Variants in PTPN14 observed in about 807,000 individuals in gnomAD.
PTPN14 encodes protein tyrosine phosphatase non-receptor type 14.
PTPN14 carries 53 observed loss-of-function variants against 126.8 expected under a neutral mutation model. The ratio of observed to expected loss-of-function variants is 0.42; its 90% confidence interval spans 0.34 to 0.53. The LOEUF (loss-of-function observed/expected upper bound fraction) is 0.53, where lower values mean the gene tolerates loss of function less well. Ranked by LOEUF, PTPN14 falls within the 20% of genes least tolerant of loss-of-function variation. The pLI, the probability that PTPN14 is intolerant of heterozygous loss-of-function variation, is 0.08. For missense variants in PTPN14, 1,257 were observed against 1,552.9 expected (o/e 0.81, Z 3.20); for synonymous variants, 630 against 599.3 (o/e 1.05, Z -0.75).
chr1:214,373,599 ACACACAC>A (rs1558073821), intron 15 of PTPN14, among the ~76,000 whole-genome samples: 1 of 129,572 alleles, frequency 7.7e-6, no homozygotes, highest in African/African-American at 2.9e-5. Context: ...ACACACACAC[ACACACAC>A]ACCTGGTCAT....
chr1:214,532,526 C>T, intron 1 of PTPN14: 1 of 997,228 alleles, frequency 1.0e-6, no homozygotes, highest in East Asian at 2.4e-5. Context: ...TCTGGGAGCA[C>T]CTGGAGAAGA....
chr1:214,413,380 T>C (rs769956220), intron 4 of PTPN14, among the ~76,000 whole-genome samples: 5 of 152,264 alleles, frequency 3.3e-5, no homozygotes, highest in Admixed American at 1.3e-4. Flanking sequence ...GCTAACTGTA[T>C]AGAAATTACA....
chr1:214,548,394 A>AAAAGC (rs1357236303), intron 1 of PTPN14, among the ~76,000 whole-genome samples: 1 of 152,204 alleles, frequency 6.6e-6, no homozygotes, highest in African/African-American at 2.4e-5. Flanking sequence ...GGGGAGATCC[A>AAAAGC]AAAGCGTATT....
At chr1:214,417,856 G>T (rs1428595408) in intron 3 of PTPN14, among the ~76,000 whole-genome samples, 1 of 152,060 alleles carries the variant, frequency 6.6e-6, no homozygotes, top group Non-Finnish European at 1.5e-5. Context: ...TCCAAGTCCA[G>T]TTCAGCAGAC....
At chr1:214,376,461 C>T (rs373894712) in intron 14 of PTPN14, 24 bp from the exon 15 acceptor site, 2 of 1,575,438 alleles carry the variant, frequency 1.3e-6, no homozygotes, top group African/African-American at 2.7e-5. Context: ...TGATCTTCAG[C>T]TCTCTAAATT....
chr1:214,524,124 A>T (rs1655330715), intron 1 of PTPN14, among the ~76,000 whole-genome samples: 1 of 151,784 alleles, frequency 6.6e-6, no homozygotes, highest in South Asian at 2.1e-4. Flanking sequence ...TGCTGGGATT[A>T]CAGGCATGAG....
chr1:214,416,272 G>C (rs1014850418), intron 3 of PTPN14, among the ~76,000 whole-genome samples: 1 of 152,186 alleles, frequency 6.6e-6, no homozygotes, highest in African/African-American at 2.4e-5. Context: ...AAGAACCAAG[G>C]AGTAAAACAT....
At chr1:214,361,525 CAAGCCAAGG>C (rs1335081819) in intron 18 of PTPN14, among the ~76,000 whole-genome samples, 1 of 152,210 alleles carries the variant, frequency 6.6e-6, no homozygotes, top group Non-Finnish European at 1.5e-5. Context: ...TAACTGCCCC[CAAGCCAAGG>C]AAGCACAAAG....
At chr1:214,427,695 G>GA (rs2102602653) in intron 3 of PTPN14, among the ~76,000 whole-genome samples, 1 of 152,092 alleles carries the variant, frequency 6.6e-6, no homozygotes, top group African/African-American at 2.4e-5. Flanking sequence ...GGTCCAATGA[G>GA]AAAAAAGCAG....
At chr1:214,540,009 G>T (rs1296890417) in intron 1 of PTPN14, among the ~76,000 whole-genome samples, 3 of 151,990 alleles carry the variant, frequency 2.0e-5, no homozygotes, top group Non-Finnish European at 4.4e-5. Context: ...CATTATTTTG[G>T]AGTTTTAATT....
chr1:214,416,571 A>G (rs10779614), intron 3 of PTPN14, among the ~76,000 whole-genome samples: 112,574 of 152,024 alleles, frequency 0.74, 41,731 homozygotes, highest in Non-Finnish European at 0.76. Context: ...CACCAGGAAC[A>G]TTCCTAATCA....
intron 7 of PTPN14, among the ~76,000 whole-genome samples, chr1:214,398,613 ATTTTTTTTTT>A (rs56339386): frequency 2.8e-5 from 3 of 108,902 alleles, no homozygotes; most frequent in East Asian, 5.4e-4. Context: ...TGCCCTGCTA[ATTTTTTTTTT>A]TTTTTTTTTT....
chr1:214,530,209 A>G (rs1416464414), intron 1 of PTPN14: 4 of 152,220 alleles, frequency 2.6e-5, no homozygotes, highest in Non-Finnish European at 5.9e-5. Flanking sequence ...ATGCAAGGAG[A>G]AAGTATTAGG....
In PTPN14 at chr1:214,549,861, G is replaced by A. The variant is rs138911946; in HGVS notation, c.-155+1322C>T. Among the ~76,000 whole-genome samples the A allele has an allele frequency of 2.5e-3, 376 of 152,294 alleles. 2 individuals are homozygous for A. Among genetic ancestry groups the A allele is most frequent in the African/African-American group, 8.5e-3 (352 of 41,552 alleles). ...TGTGGTTCCCATAAGTGGCTAACGT[G>A]CTTCTAGATTTATTTCTGATATTGG... On this transcript the variant is annotated intron_variant, in intron 1 of 18. Transcript: ENST00000366956.
intron 4 of PTPN14, among the ~76,000 whole-genome samples, chr1:214,414,307 T>C (rs1659377078): frequency 6.6e-6 from 1 of 152,236 alleles, no homozygotes; most frequent in South Asian, 2.1e-4. Flanking sequence ...TATGACCACA[T>C]TGTGCCTTGG....
chr1:214,384,064 C>A lies in PTPN14; in HGVS notation c.1791G>T (p.Leu597=). Residue 597 remains leucine (L), a synonymous_variant, in exon 13 of 19, where the codon CTG becomes CTT. Coordinates refer to ENST00000366956, the MANE Select transcript of PTPN14 (RefSeq NM_005401.5). This position sits in a 1 kb window ranked among gnomAD's most constrained non-coding sequence, Gnocchi z 5.3. ...CCGAGAGCTGCACCTTCCGGGTCAC[C>A]AGGTCCGGGCTGCTGCCGCTGACGT... is the stretch of plus-strand genomic sequence containing the variant. ...HKYVSGSSPD[L]VTRKVQLSVK... is the part of the protein sequence containing the mutation. The A allele has an allele frequency of 6.3e-7, 1 of 1,578,336 alleles. No homozygotes were observed. The highest frequency in any genetic ancestry group is 8.6e-7 in the Non-Finnish European group (1 of 1,164,382).
At chr1:214,478,897 A>G (rs2102672287) in intron 1 of PTPN14, among the ~76,000 whole-genome samples, 1 of 152,314 alleles carries the variant, frequency 6.6e-6, no homozygotes, top group Non-Finnish European at 1.5e-5. Flanking sequence ...AAGTAACAAT[A>G]GTCAATTATT....
Position 214,384,999 on chromosome 1 carries a change from A to G in PTPN14, c.1067-211T>C, listed in dbSNP as rs1369961905. 1.3e-5 allele frequency among the ~76,000 whole-genome samples: 2 copies of G among 152,216 alleles called. No homozygotes were observed. The highest frequency in any genetic ancestry group is 2.4e-5 in the African/African-American group (1 of 41,452). ...AACACCTTAAGACATACTGAAAAGA[A>G]AAAGGGAACCTAATGGAAGAAGGCA... is the stretch of plus-strand genomic sequence containing the variant. On this transcript the variant is annotated intron_variant, in intron 12 of 18. Coordinates refer to ENST00000366956, the MANE Select transcript of PTPN14 (RefSeq NM_005401.5). This position sits in a 1 kb window ranked among gnomAD's most constrained non-coding sequence, Gnocchi z 5.3.
intron 3 of PTPN14, among the ~76,000 whole-genome samples, chr1:214,419,241 T>C (rs1377839554): frequency 6.6e-6 from 1 of 152,228 alleles, no homozygotes; most frequent in Non-Finnish European, 1.5e-5. Flanking sequence ...GAAAGCACTC[T>C]GTAAGCTGTA....
Sources: allele counts gnomAD v4.1 joint callset (sites outside exome capture counted in the v4.1 genomes callset), GRCh38; gene constraint gnomAD v4.1.1; non-coding constraint Gnocchi (gnomAD v3.1); transcripts MANE v1.5; gene names NCBI Gene and HGNC (gene_info 2026-07-23, HGNC 2026-07-21).